GABPB2: variants seen among roughly 807,000 people sequenced by gnomAD.
GABPB2 encodes the protein GA-binding protein subunit beta-2.
In GABPB2, 23 loss-of-function variants were observed where a neutral mutation model predicts 39.1. The ratio of observed to expected loss-of-function variants is 0.59; its 90% CI spans 0.42 to 0.83. The LOEUF (loss-of-function observed/expected upper bound fraction) is 0.83. Among genes scored for constraint, GABPB2 ranks in the 40% least tolerant of loss-of-function variants. The pLI is 0.00. For missense variants in GABPB2, 467 were observed against 541.1 expected, an observed-to-expected ratio of 0.86 and a Z score of 1.36; for synonymous variants, 184 against 199.3, an observed-to-expected ratio of 0.92 and a Z score of 0.65.
At chr1:151,105,255 C>G (rs1003266184) in intron 6 of GABPB2, among the ~76,000 whole-genome samples, 1 of 151,764 alleles carries the variant, frequency 6.6e-6, no homozygotes, top group Non-Finnish European at 1.5e-5. Context: ...ATTATTTCCT[C>G]TAATAGTGCT....
intron 6 of GABPB2, among the ~76,000 whole-genome samples, chr1:151,104,818 T>G (rs587686430): frequency 4.0e-5 from 6 of 150,326 alleles, no homozygotes; most frequent in Non-Finnish European, 8.9e-5. Flanking sequence ...TTCTTTCCTT[T>G]CTTTCTTTCT....
chr1:151,107,277 A>G, intron 7 of GABPB2, 55 bp downstream of exon 7: 1 of 1,200,642 alleles, frequency 8.3e-7, no homozygotes, highest in Non-Finnish European at 1.1e-6. Flanking sequence ...GATACTCCAT[A>G]CTCACCTAAA....
At chr1:151,087,608 C>G (rs2101477573) in intron 1 of GABPB2, among the ~76,000 whole-genome samples, 1 of 152,180 alleles carries the variant, frequency 6.6e-6, no homozygotes, top group East Asian at 1.9e-4. Context: ...GATCACACCA[C>G]TGCTCTCCAG....
chr1:151,109,364 A>ATATATATTTTTT (rs779537595), intron 7 of GABPB2, among the ~76,000 whole-genome samples: 1 of 112,392 alleles, frequency 8.9e-6, no homozygotes, highest in Non-Finnish European at 1.7e-5. Context: ...ATATATATAT[A>ATATATATTTTTT]TTTTTTTTTT....
At chr1:151,089,001 AG>A (rs778741874) in intron 2 of GABPB2, among the ~76,000 whole-genome samples, 260 of 147,682 alleles carry the variant, frequency 1.8e-3, no homozygotes, top group Non-Finnish European at 3.2e-3. Flanking sequence ...AAAAAAAAAA[AG>A]AAGTCATCTA....
intron 1 of GABPB2, among the ~76,000 whole-genome samples, chr1:151,084,618 T>C (rs1678019456): frequency 7.2e-6 from 1 of 138,330 alleles, no homozygotes; most frequent in South Asian, 2.4e-4. Context: ...CACTGCAAGC[T>C]CCGCCTCCCA....
At chr1:151,072,125 A>T (rs1676780920) in intron 1 of GABPB2, among the ~76,000 whole-genome samples, 1 of 152,242 alleles carries the variant, frequency 6.6e-6, no homozygotes, top group South Asian at 2.1e-4. Flanking sequence ...CTTTGATGAC[A>T]ATAAAGAGAA....
chr1:151,102,857 C>T (rs961597747), intron 5 of GABPB2, among the ~76,000 whole-genome samples: 2 of 151,954 alleles, frequency 1.3e-5, no homozygotes, highest in African/African-American at 4.8e-5. Flanking sequence ...GGGACTATTC[C>T]CTTATCACTG....
chr1:151,105,029 C>T (rs1249239586), intron 6 of GABPB2, among the ~76,000 whole-genome samples: 2 of 151,936 alleles, frequency 1.3e-5, no homozygotes, highest in African/African-American at 4.8e-5. Context: ...GCCTCAGCCT[C>T]CCAAGTAGCT....
rs1056924002 is a variant in GABPB2 at position 151,125,380 on chromosome 1, A to T, written c.*7124A>T. 3.9e-5 allele frequency: 6 copies of T among 152,086 alleles called. No homozygotes were observed. Among genetic ancestry groups the T allele is most frequent in the Non-Finnish European group, 7.3e-5 (5 of 68,042 alleles). 9.4% of individuals were successfully genotyped at this position (152,086 alleles called of 1,614,324 possible). ...ACAGCGTATTTTTAGAAAAACTTAAATATACTTCTTTATTTAGGGTTTTAT... is the reference window on the plus strand; with the variant it reads ...ACAGCGTATTTTTAGAAAAACTTAATTATACTTCTTTATTTAGGGTTTTAT... On this transcript the variant is annotated 3_prime_UTR_variant, in exon 9 of 9. Coordinates refer to ENST00000368918, the MANE Select transcript of GABPB2 (RefSeq NM_144618.3).
intron 7 of GABPB2, among the ~76,000 whole-genome samples, chr1:151,108,216 C>T (rs1680121259): frequency 6.6e-6 from 1 of 152,152 alleles, no homozygotes; most frequent in Non-Finnish European, 1.5e-5. Context: ...GTTGCCCAGG[C>T]TGGAGCGCAG....
At chr1:151,087,677 A>C (rs1002657576) in intron 1 of GABPB2, among the ~76,000 whole-genome samples, 3 of 151,978 alleles carry the variant, frequency 2.0e-5, no homozygotes, top group African/African-American at 7.2e-5. Context: ...TTTTATTTGG[A>C]AACCTTGATG....
intron 1 of GABPB2, 59 bp from the exon 2 acceptor site, chr1:151,088,131 G>T (rs1678354969): frequency 1.7e-6 from 2 of 1,185,906 alleles, no homozygotes; most frequent in Non-Finnish European, 2.5e-6. Flanking sequence ...AAATGTATTG[G>T]CGGCTTTCCT....
In GABPB2 at chr1:151,097,861, C is replaced by T; in HGVS notation, c.481C>T (p.Gln161Ter). The T allele has an allele frequency of 1.2e-6, 2 of 1,613,548 alleles. No homozygotes were observed. The highest frequency in any genetic ancestry group is 2.2e-5 in the South Asian group (2 of 91,072). The change falls in exon 5 of 9, where the codon CAG (glutamine) becomes TAG (stop). Residue 161 changes from glutamine (Q) to a stop codon, truncating the protein, a stop_gained. Transcript: ENST00000368918. LOFTEE classifies it high-confidence loss of function. Reference sequence around the variant, plus strand: ...CTGCCTTGTTTGATAGGAAGCAATGCAGAATCAGGTGAATGTTAATCCAGA... The same window carrying T: ...CTGCCTTGTTTGATAGGAAGCAATGTAGAATCAGGTGAATGTTAATCCAGA... ...EILVILQEAM[Q>*]NQVNVNPERA...
At chr1:151,107,327 C>T in intron 7 of GABPB2, 105 bp downstream of exon 7, 1 of 707,460 alleles carries the variant, frequency 1.4e-6, no homozygotes, top group Non-Finnish European at 2.0e-6. Flanking sequence ...GGGAGATTGC[C>T]AGATGCAAGT....
intron 3 of GABPB2, among the ~76,000 whole-genome samples, chr1:151,091,914 G>A (rs1678744892): frequency 6.6e-6 from 1 of 151,852 alleles, no homozygotes; most frequent in Admixed American, 6.6e-5. Flanking sequence ...AAAGTAGCTG[G>A]GAGGACTACA....
chr1:151,103,044 C>CTTTTTT (rs376522230), intron 5 of GABPB2, among the ~76,000 whole-genome samples: 3 of 88,238 alleles, frequency 3.4e-5, no homozygotes, highest in African/African-American at 4.5e-5. Flanking sequence ...ACAAAGTATA[C>CTTTTTT]TTTTTTTTTT....
rs1173505853 is a variant in GABPB2, at chr1:151,119,801, AT to A, written c.*1546del. 6 of 149,592 alleles carry A rather than the reference AT, an allele frequency of 4.0e-5. No homozygotes were observed. The highest frequency in any genetic ancestry group is 1.5e-4 in the African/African-American group (6 of 40,426). The allele number at this position is 149,592 out of a possible 1,614,324, so 9.3% of individuals were successfully genotyped here. ...CCGGGCGTGGTGGCACCTGCCTGTA[AT>A]CCCAGCTACTTGGGAGGCTGAGGCA... On this transcript the variant is annotated 3_prime_UTR_variant, in exon 9 of 9. Transcript: ENST00000368918.
intron 1 of GABPB2, among the ~76,000 whole-genome samples, chr1:151,087,178 G>A (rs763927921): frequency 6.6e-6 from 1 of 151,740 alleles, no homozygotes; most frequent in Non-Finnish European, 1.5e-5. Flanking sequence ...TTTGTGAGAC[G>A]GTTTCGCCAT....
Sources: gnomAD v4.1 joint callset for allele counts (sites outside exome capture counted in the v4.1 genomes callset) on GRCh38, gnomAD v4.1.1 for gene constraint, MANE v1.5 for transcripts, NCBI Gene and HGNC (gene_info 2026-07-23, HGNC 2026-07-21) for gene names.